The following IGSF3 variants were observed in gnomAD, a reference collection of about 807,000 sequenced individuals.
The protein encoded by IGSF3 is immunoglobulin superfamily member 3, also known as glu-Trp-Ile EWI motif-containing protein 3.
In IGSF3, 23 loss-of-function variants were observed where a neutral mutation model predicts 114.4. The observed-to-expected ratio is 0.20, with a 90% CI of 0.14 to 0.28. The LOEUF (loss-of-function observed/expected upper bound fraction) is 0.28. IGSF3 is among the 10% of genes least tolerant of loss of function. IGSF3 has a pLI of 1.00. For missense variants in IGSF3, 1,172 were observed against 1,591.5 expected (o/e 0.74, Z 4.48); for synonymous variants, 571 against 645.2 (o/e 0.88, Z 1.74).
At position 116,595,317 on chromosome 1, in the gene IGSF3, T is replaced by C. The variant is rs1660297835; in HGVS notation, c.2029+4624A>G. Reference sequence around the variant, plus strand: ...CTTAGGGCTCTTGCACTGACACCCATTCTATCTTGGCACAGACAACAGGCA... The same window carrying C: ...CTTAGGGCTCTTGCACTGACACCCACTCTATCTTGGCACAGACAACAGGCA... On this transcript the variant is annotated intron_variant, in intron 7 of 10. Coordinates refer to ENST00000369486, the MANE Select transcript of IGSF3 (RefSeq NM_001007237.3). The surrounding 1 kb of genome is among the most constrained non-coding windows in gnomAD (Gnocchi z 4.2). 1.3e-5 allele frequency among the ~76,000 whole-genome samples: 2 copies of C among 152,036 alleles called. No individual in the cohort carries two copies. Among genetic ancestry groups the C allele is most frequent in the Non-Finnish European group, 1.5e-5 (1 of 67,992 alleles).
Position 116,648,480 on chromosome 1 carries a change from T to C in IGSF3, c.43+17804A>G, listed in dbSNP as rs1267268082. On this transcript the variant is annotated intron_variant, in intron 2 of 10. Transcript: ENST00000369486. The surrounding 1 kb of genome is among the most constrained non-coding windows in gnomAD (Gnocchi z 4.7). ...GCACAGTCAGACCCGCCATCTGCAC[T>C]TTTACCTGCTGCCTGACGAAAACCA... Among the ~76,000 whole-genome samples, 1 of 152,166 alleles carries C rather than the reference T, an allele frequency of 6.6e-6. No homozygotes were observed. Among genetic ancestry groups the C allele is most frequent in the Non-Finnish European group, 1.5e-5 (1 of 68,042 alleles).
intron 4 of IGSF3, among the ~76,000 whole-genome samples, chr1:116,611,921 G>A (rs565940359): frequency 3.0e-4 from 46 of 152,250 alleles, no homozygotes; most frequent in Admixed American, 2.9e-3. Context: ...CTTCAATGCT[G>A]TGGAGACTGG....
Position 116,605,784 on chromosome 1 carries a change from C to A in IGSF3, c.1223-1759G>T, listed in dbSNP as rs1032978165. On this transcript the variant is annotated intron_variant, in intron 5 of 10. Transcript: ENST00000369486. This position sits in a 1 kb window ranked among gnomAD's most constrained non-coding sequence, Gnocchi z 5.1. ...TCAAAATAAGGGATTAAAAGGGCAA[C>A]TGCAGCATCAAGGAAGAAAATCCTT... Among the ~76,000 whole-genome samples, 60 of 152,344 alleles carry A rather than the reference C, an allele frequency of 3.9e-4. No homozygotes were observed. The highest frequency in any genetic ancestry group is 7.1e-4 in the Non-Finnish European group (48 of 68,032).
In IGSF3 at chr1:116,596,829, G is replaced by A. The variant is rs1660364010; in HGVS notation, c.2029+3112C>T. Reference sequence around the variant, plus strand: ...CTGTGTCAGTGTCCTCATCTGTGAAGTTGGGTAAAACGGTCCCCCTCACAG... The same window carrying A: ...CTGTGTCAGTGTCCTCATCTGTGAAATTGGGTAAAACGGTCCCCCTCACAG... On this transcript the variant is annotated intron_variant, in intron 7 of 10. Transcript: ENST00000369486. The surrounding 1 kb of genome is among the most constrained non-coding windows in gnomAD (Gnocchi z 4.1). 6.6e-6 allele frequency among the ~76,000 whole-genome samples: 1 copy of A among 152,214 alleles called. No homozygotes were observed. The highest frequency in any genetic ancestry group is 2.1e-4 in the South Asian group (1 of 4,832).
At chr1:116,623,234 T>C (rs1467552325) in intron 2 of IGSF3, among the ~76,000 whole-genome samples, 2 of 152,214 alleles carry the variant, frequency 1.3e-5, no homozygotes, top group Non-Finnish European at 2.9e-5. Flanking sequence ...CAGCACTTAC[T>C]GAGCCCCAGC....
At chr1:116,587,277 A>T (rs973576934) in intron 8 of IGSF3, among the ~76,000 whole-genome samples, 1 of 152,246 alleles carries the variant, frequency 6.6e-6, no homozygotes, top group East Asian at 1.9e-4. Flanking sequence ...TAAGTCAATT[A>T]TAAGTAAATA....
chr1:116,597,275 C>G (rs1660382167), intron 7 of IGSF3, among the ~76,000 whole-genome samples: 1 of 152,230 alleles, frequency 6.6e-6, no homozygotes, highest in Admixed American at 6.5e-5. Context: ...CCAACAGTCT[C>G]CAGCGCACAG....
intron 2 of IGSF3, among the ~76,000 whole-genome samples, chr1:116,620,006 A>G (rs1661363742): frequency 7.4e-6 from 1 of 135,720 alleles, no homozygotes; most frequent in African/African-American, 3.4e-5. Context: ...CAGTTTTATA[A>G]CTAGAAAAAA....
rs756629248 is a variant in IGSF3, at chr1:116,579,774, G to T, written c.2952C>A (p.Ser984=). 1 of 1,614,152 alleles carries T rather than the reference G, an allele frequency of 6.2e-7. No homozygotes were observed. The highest frequency in any genetic ancestry group is 8.5e-7 in the Non-Finnish European group (1 of 1,180,040). Residue 984 remains serine, a synonymous_variant, in exon 10 of 11, where the codon TCC becomes TCA. Coordinates refer to ENST00000369486, the MANE Select transcript of IGSF3 (RefSeq NM_001007237.3). This position sits in a 1 kb window ranked among gnomAD's most constrained non-coding sequence, Gnocchi z 6.4. ...CSIVSRSSQD[S]RFAVAWYSLR... is the part of the protein sequence containing the mutation. ...GGGAATACCAGGCCACAGCGAAGCG[G>T]GAGTCCTGGCTGGAGCGGGACACGA...
At chr1:116,652,144 T>C (rs1220612056) in intron 2 of IGSF3, among the ~76,000 whole-genome samples, 2 of 152,096 alleles carry the variant, frequency 1.3e-5, no homozygotes, top group African/African-American at 2.4e-5. Context: ...ATGAAACAGG[T>C]CTCTATACAG....
At chr1:116,626,576 C>T (rs1647298262) in intron 2 of IGSF3, among the ~76,000 whole-genome samples, 1 of 152,114 alleles carries the variant, frequency 6.6e-6, no homozygotes, top group South Asian at 2.1e-4. Context: ...CAATCCCCAG[C>T]TTCTCTTATC....
At position 116,618,329 on chromosome 1, in the gene IGSF3, G is replaced by C. The variant is rs1473752338; in HGVS notation, c.44-1872C>G. 6.6e-6 allele frequency among the ~76,000 whole-genome samples: 1 copy of C among 152,112 alleles called. No individual in the cohort carries two copies. Among genetic ancestry groups the C allele is most frequent in the East Asian group, 1.9e-4 (1 of 5,198 alleles). On this transcript the variant is annotated intron_variant, in intron 2 of 10. Coordinates refer to ENST00000369486, the MANE Select transcript of IGSF3 (RefSeq NM_001007237.3). The surrounding 1 kb of genome is among the most constrained non-coding windows in gnomAD (Gnocchi z 4.7). ...ATTATGATATTTAAAGTAACCATGA[G>C]GACAACTCATTAGTAATATCAGTAT...
In IGSF3 at chr1:116,634,243, T is replaced by A. The variant is rs1459460050; in HGVS notation, c.44-17786A>T. Among the ~76,000 whole-genome samples, 1 of 152,272 alleles carries A rather than the reference T, an allele frequency of 6.6e-6. No homozygotes were observed. The highest frequency in any genetic ancestry group is 3.4e-3 in the Middle Eastern group (1 of 294). ...ACGACAAGGCAAAATGAGGAGACAG[T>A]ATAAAAAAGACAAGGATAATTTTAA... On this transcript the variant is annotated intron_variant, in intron 2 of 10. Coordinates refer to ENST00000369486, the MANE Select transcript of IGSF3 (RefSeq NM_001007237.3). This position sits in a 1 kb window ranked among gnomAD's most constrained non-coding sequence, Gnocchi z 4.2.
At chr1:116,611,900 C>T (rs192325046) in intron 4 of IGSF3, among the ~76,000 whole-genome samples, 25 of 152,198 alleles carry the variant, frequency 1.6e-4, no homozygotes, top group Non-Finnish European at 3.1e-4. Flanking sequence ...TAATGCCTAT[C>T]ACCATCACAC....
In IGSF3 at chr1:116,616,369, C is replaced by G. The variant is rs747747769; in HGVS notation, c.132G>C (p.Val44=). ...EGSHITIWCN[V]SGYQGPSEQN... ...GCTCAGAAGGTCCCTGGTAGCCACT[C>G]ACATTGCACCAGATAGTGATGTGGG... The change falls in exon 3 of 11, where the codon GTG becomes GTC. Residue 44 remains valine, a synonymous_variant. Coordinates refer to ENST00000369486, the MANE Select transcript of IGSF3 (RefSeq NM_001007237.3). This position sits in a 1 kb window ranked among gnomAD's most constrained non-coding sequence, Gnocchi z 6.6. The G allele has an allele frequency of 1.9e-6, 3 of 1,611,982 alleles. No individual in the cohort carries two copies. Among genetic ancestry groups the G allele is most frequent in the Non-Finnish European group, 2.5e-6 (3 of 1,179,768 alleles).
rs1263759117 is a variant in IGSF3, at chr1:116,612,023, AC to A, written c.832+1741del. Among the ~76,000 whole-genome samples the A allele has an allele frequency of 6.6e-6, 1 of 152,216 alleles. No individual in the cohort carries two copies. The highest frequency in any genetic ancestry group is 1.5e-5 in the Non-Finnish European group (1 of 68,038). On this transcript the variant is annotated intron_variant, in intron 4 of 10. Transcript: ENST00000369486. This position sits in a 1 kb window ranked among gnomAD's most constrained non-coding sequence, Gnocchi z 4.1. ...ACAGGAATGCAGGGTGAAGTCATCA[AC>A]TTTTTTTTCACTTAGTTTTCCTTTT...
At position 116,665,809 on chromosome 1, in the gene IGSF3, C is replaced by T. The variant is rs1385376380; in HGVS notation, c.43+475G>A. ...AGGTAGGCAAAGCATCCCTTCAACC[C>T]CCATCCCACTTACTCCCATTTCCAC... On this transcript the variant is annotated intron_variant, in intron 2 of 10. Coordinates refer to ENST00000369486, the MANE Select transcript of IGSF3 (RefSeq NM_001007237.3). This position sits in a 1 kb window ranked among gnomAD's most constrained non-coding sequence, Gnocchi z 4.0. 1.3e-5 allele frequency among the ~76,000 whole-genome samples: 2 copies of T among 152,146 alleles called. No individual in the cohort carries two copies. The highest frequency in any genetic ancestry group is 1.9e-4 in the East Asian group (1 of 5,190).
At chr1:116,663,369 C>T (rs969004728) in intron 2 of IGSF3, among the ~76,000 whole-genome samples, 2 of 152,240 alleles carry the variant, frequency 1.3e-5, no homozygotes, top group East Asian at 1.9e-4. Context: ...ACTGTACCAG[C>T]CTCTATTCTC....
chr1:116,639,014 C>A (rs1049972015), intron 2 of IGSF3, among the ~76,000 whole-genome samples: 17 of 152,190 alleles, frequency 1.1e-4, no homozygotes, highest in Admixed American at 3.9e-4. Context: ...CTAACTGTAC[C>A]AGGTGCTATG....
Sources: allele counts gnomAD v4.1 joint callset (sites outside exome capture counted in the v4.1 genomes callset), GRCh38; gene constraint gnomAD v4.1.1; non-coding constraint Gnocchi (gnomAD v3.1); transcripts MANE v1.5; gene names NCBI Gene and HGNC (gene_info 2026-07-23, HGNC 2026-07-21).